The following DNAJA1 variants were observed in gnomAD, a reference collection of about 807,000 sequenced individuals.
DNAJA1 encodes DnaJ heat shock protein family (Hsp40) member A1.
DNAJA1 carries 26 observed loss-of-function variants against 47.6 expected under a neutral mutation model. The ratio of observed to expected loss-of-function variants is 0.55; its 90% CI spans 0.40 to 0.76. The LOEUF is 0.76. Among genes scored for constraint, DNAJA1 ranks in the 30% least tolerant of loss-of-function variants. DNAJA1 has a pLI of 0.00. For synonymous variants in DNAJA1, 165 were observed against 158.4 expected (o/e 1.04, Z -0.31); for missense variants, 315 against 485.0 (o/e 0.65, Z 3.29).
rs369423129 is a variant in DNAJA1 at position 33,029,994 on chromosome 9, G to C, written c.415+5G>C. 2 of 1,607,738 alleles carry C rather than the reference G, an allele frequency of 1.2e-6. No homozygotes were observed. The highest frequency in any genetic ancestry group is 1.1e-5 in the South Asian group (1 of 89,494). ...TGATTTGTGACAAATGTGAAGGTAC[G>C]GTGTTTTTTTGTTTTGTTTTGTTTT... is the stretch of plus-strand genomic sequence containing the variant. On this transcript the variant is annotated splice_donor_5th_base_variant and intron_variant, in intron 4 of 8. Coordinates refer to ENST00000330899, the MANE Select transcript of DNAJA1 (RefSeq NM_001539.4).
At chr9:33,030,309 A>G (rs888794625) in intron 4 of DNAJA1, 131 bp from the exon 5 acceptor site, 2 of 817,786 alleles carry the variant, frequency 2.4e-6, no homozygotes, top group African/African-American at 1.7e-5. Context: ...TCAGTTGTAC[A>G]TTCAGAGGGT....
rs1839079847 is a variant in DNAJA1, at chr9:33,039,103, A to C, written c.*200A>C. ...TGTATGTATGATGACTTCAGTGTGCAAGATGAAGTTTAATACCTGTAAAAA... is the reference window on the plus strand; with the variant it reads ...TGTATGTATGATGACTTCAGTGTGCCAGATGAAGTTTAATACCTGTAAAAA... On this transcript the variant is annotated 3_prime_UTR_variant, in exon 9 of 9. Coordinates refer to ENST00000330899, the MANE Select transcript of DNAJA1 (RefSeq NM_001539.4). 1.7e-6 allele frequency: 1 copy of C among 578,266 alleles called. No individual in the cohort carries two copies. Among genetic ancestry groups the C allele is most frequent in the Non-Finnish European group, 3.0e-6 (1 of 329,300 alleles). 35.8% of individuals were successfully genotyped at this position (578,266 alleles called of 1,614,324 possible). A position where few individuals can be genotyped will look rare whatever the true frequency, so the allele number is the denominator to read the frequency against.
chr9:33,028,025 CAAAAAAAAAAAAA>C (rs144327341), intron 3 of DNAJA1, among the ~76,000 whole-genome samples: 4 of 77,916 alleles, frequency 5.1e-5, no homozygotes, highest in Non-Finnish European at 9.9e-5. Context: ...ACTCTTGTCT[CAAAAAAAAAAAAA>C]AAAAAAAAAA....
Position 33,026,983 on chromosome 9 carries a change from A to C in DNAJA1, c.303A>C (p.Glu101Asp), listed in dbSNP as rs374295982. 1.9e-6 allele frequency: 3 copies of C among 1,614,108 alleles called. No individual in the cohort carries two copies. Among genetic ancestry groups the C allele is most frequent in the Non-Finnish European group, 2.5e-6 (3 of 1,180,004 alleles). ...FFGGGGRMQR[E>D]RRGKNVVHQL... ...GAGGAGGAGGAAGGATGCAGAGAGA[A>C]AGGAGAGGTAAGAAGAATCTAGTCT... The change falls in exon 3 of 9, where the codon GAA becomes GAC. Residue 101 changes from glutamate to aspartate, a missense_variant. By Grantham distance (45) the Glu-to-Asp change is conservative. This residue lies in a region of DNAJA1 where 100 missense variants were observed against 163.0 expected (regional missense o/e 0.61). Coordinates refer to ENST00000330899, the MANE Select transcript of DNAJA1 (RefSeq NM_001539.4).
intron 8 of DNAJA1, 42 bp from the exon 9 acceptor site, chr9:33,038,643 T>A (rs1264526428): frequency 1.3e-6 from 2 of 1,576,534 alleles, no homozygotes; most frequent in Non-Finnish European, 1.7e-6. Context: ...CTAAGGGAGC[T>A]AATGATGAAA....
rs1363162304 is a variant in DNAJA1, at chr9:33,032,591, G to A, written c.644-1625G>A. ...CTGTAAGTGAGAACTTGAAATTAAT[G>A]CCCTAACTATATAGCAAGTGAAGGC... On this transcript the variant is annotated intron_variant, in intron 5 of 8. Transcript: ENST00000330899. Among the ~76,000 whole-genome samples, 7 of 152,288 alleles carry A rather than the reference G, an allele frequency of 4.6e-5. No individual in the cohort carries two copies. The East Asian group carries it at 9.6e-4, about 21-fold the overall frequency.
chr9:33,035,744 C>T (rs1839023889), intron 6 of DNAJA1, among the ~76,000 whole-genome samples: 1 of 152,120 alleles, frequency 6.6e-6, no homozygotes, highest in African/African-American at 2.4e-5. Context: ...GCTGGGATTA[C>T]AGGCATGAGC....
intron 1 of DNAJA1, among the ~76,000 whole-genome samples, 186 bp downstream of exon 1, chr9:33,025,569 T>A (rs1838797326): frequency 6.6e-6 from 1 of 152,112 alleles, no homozygotes; most frequent in Admixed American, 6.5e-5. Flanking sequence ...GCACGCACAG[T>A]GAATGGGCCC....
rs1839079285 is a variant in DNAJA1, at chr9:33,039,075, C to T, written c.*172C>T. On this transcript the variant is annotated 3_prime_UTR_variant, in exon 9 of 9. Coordinates refer to ENST00000330899, the MANE Select transcript of DNAJA1 (RefSeq NM_001539.4). ...CGCAAATATAAAAGCTCTGATTTTGCCCTGTATGTATGATGACTTCAGTGT... is the reference window on the plus strand; with the variant it reads ...CGCAAATATAAAAGCTCTGATTTTGTCCTGTATGTATGATGACTTCAGTGT... 1 of 666,508 alleles carries T rather than the reference C, an allele frequency of 1.5e-6. No individual in the cohort carries two copies. The highest frequency in any genetic ancestry group is 3.0e-5 in the Admixed American group (1 of 33,866). 41.3% of individuals were successfully genotyped at this position (666,508 alleles called of 1,614,324 possible). A position where few individuals can be genotyped will look rare whatever the true frequency, so the allele number is the denominator to read the frequency against.
At chr9:33,035,850 A>G (rs747437091) in intron 6 of DNAJA1, among the ~76,000 whole-genome samples, 18 of 152,334 alleles carry the variant, frequency 1.2e-4, no homozygotes, top group South Asian at 2.1e-4. Context: ...GTTAAATATG[A>G]AAGGCTGTGT....
At chr9:33,025,806 C>G (rs1398631375) in intron 1 of DNAJA1, among the ~76,000 whole-genome samples, 1 of 152,234 alleles carries the variant, frequency 6.6e-6, no homozygotes, top group African/African-American at 2.4e-5. Flanking sequence ...TTCGCTTTCT[C>G]TGTTTCCCCT....
intron 8 of DNAJA1, 43 bp downstream of exon 8, chr9:33,037,158 T>A (rs1295100729): frequency 7.6e-6 from 12 of 1,573,838 alleles, no homozygotes; most frequent in Non-Finnish European, 1.0e-5. Flanking sequence ...AACAATTGGC[T>A]TACTAAAATC....
chr9:33,035,319 G>A lies in DNAJA1; in HGVS notation c.758+989G>A, dbSNP rs571617167. Among the ~76,000 whole-genome samples, 22 of 151,950 alleles carry A rather than the reference G, an allele frequency of 1.4e-4. No individual in the cohort carries two copies. The South Asian group carries it at 4.6e-3, about 32-fold the overall frequency. On this transcript the variant is annotated intron_variant, in intron 6 of 8. Coordinates refer to ENST00000330899, the MANE Select transcript of DNAJA1 (RefSeq NM_001539.4). Reference sequence around the variant, plus strand: ...AGAGGTCGCGGTGAGTTGAGATGGCGCCATTGCACTCCAGCCTGGGCAAAA... The same window carrying A: ...AGAGGTCGCGGTGAGTTGAGATGGCACCATTGCACTCCAGCCTGGGCAAAA...
Position 33,039,552 on chromosome 9 carries a change from T to TATATATA in DNAJA1, c.*650_*656dup, listed in dbSNP as rs1839088771. On this transcript the variant is annotated 3_prime_UTR_variant, in exon 9 of 9. Coordinates refer to ENST00000330899, the MANE Select transcript of DNAJA1 (RefSeq NM_001539.4). ...TGTGCCATTCATATATATATACATA[T>TATATATA]ATATATATAATCTTGACCAGTCCTG... 1 of 142,998 alleles carries TATATATA rather than the reference T, an allele frequency of 7.0e-6. No individual in the cohort carries two copies. Among genetic ancestry groups the TATATATA allele is most frequent in the Non-Finnish European group, 1.6e-5 (1 of 63,554 alleles). 8.9% of individuals were successfully genotyped at this position (142,998 alleles called of 1,614,324 possible).
chr9:33,031,036 G>A (rs999340198), intron 5 of DNAJA1, among the ~76,000 whole-genome samples: 5 of 152,286 alleles, frequency 3.3e-5, no homozygotes, highest in Non-Finnish European at 1.5e-5. Context: ...TAGATCAAGG[G>A]ATAGGCATAC....
At chr9:33,033,502 A>G (rs1379386575) in intron 5 of DNAJA1, among the ~76,000 whole-genome samples, 2 of 152,048 alleles carry the variant, frequency 1.3e-5, no homozygotes, top group African/African-American at 2.4e-5. Flanking sequence ...GTTCAAGACC[A>G]GCCTGAGCGA....
intron 5 of DNAJA1, among the ~76,000 whole-genome samples, chr9:33,030,911 T>C (rs1490257527): frequency 2.6e-5 from 4 of 152,238 alleles, no homozygotes; most frequent in African/African-American, 9.6e-5. Context: ...TCTTTTGAAA[T>C]CTGTGGTCCT....
intron 3 of DNAJA1, among the ~76,000 whole-genome samples, chr9:33,027,857 C>G (rs118065940): frequency 3.6e-4 from 55 of 151,008 alleles, no homozygotes; most frequent in South Asian, 1.3e-3. Flanking sequence ...TCACAAAAAA[C>G]CCAAAAAAAT....
chr9:33,031,128 CTT>C (rs939118566), intron 5 of DNAJA1, among the ~76,000 whole-genome samples: 5 of 152,332 alleles, frequency 3.3e-5, no homozygotes, highest in South Asian at 2.1e-4. Flanking sequence ...GAGTTTCGCT[CTT>C]GTTTCCCAGG....
Sources: gnomAD v4.1 joint callset for allele counts (sites outside exome capture counted in the v4.1 genomes callset) on GRCh38, gnomAD v4.1.1 for gene constraint, gnomAD v4.1.1 regional missense constraint, MANE v1.5 for transcripts, NCBI Gene and HGNC (gene_info 2026-07-23, HGNC 2026-07-21) for gene names.